The following AP2B1 variants were observed in gnomAD, a reference collection of about 807,000 sequenced individuals.
AP2B1 encodes the protein AP-2 complex subunit beta.
In AP2B1, 23 loss-of-function variants were observed where a neutral mutation model predicts 102.0. The ratio of observed to expected loss-of-function variants is 0.23; its 90% CI spans 0.16 to 0.32. AP2B1 has a LOEUF of 0.32. Among genes scored for constraint, AP2B1 ranks in the 10% least tolerant of loss-of-function variants. The pLI is 1.00. For synonymous variants in AP2B1, 381 were observed against 421.2 expected (o/e 0.90, Z 1.17); for missense variants, 541 against 1,157.4 (o/e 0.47, Z 7.73).
At chr17:35,634,517 A>T (rs1252669456) in intron 9 of AP2B1, among the ~76,000 whole-genome samples, 1 of 152,140 alleles carries the variant, frequency 6.6e-6, no homozygotes, top group Non-Finnish European at 1.5e-5. Flanking sequence ...TTTAAAAATG[A>T]TCACTTATAG....
chr17:35,647,891 G>GT (rs36102165), intron 12 of AP2B1, among the ~76,000 whole-genome samples: 122,721 of 143,116 alleles, frequency 0.86, 52,816 homozygotes, highest in East Asian at 0.96. Context: ...TTGGGGGTTT[G>GT]TTTTTTTTTT....
chr17:35,595,057 C>T (rs2073221837), intron 2 of AP2B1, among the ~76,000 whole-genome samples: 1 of 152,220 alleles, frequency 6.6e-6, no homozygotes, highest in East Asian at 1.9e-4. Context: ...GACATGGCGC[C>T]AACTACCATT....
intron 5 of AP2B1, among the ~76,000 whole-genome samples, chr17:35,614,972 T>G (rs1489273156): frequency 6.6e-6 from 1 of 152,204 alleles, no homozygotes; most frequent in Non-Finnish European, 1.5e-5. Context: ...TAGTAACATT[T>G]TTTTGGTTGT....
At chr17:35,679,560 C>T (rs771583815) in intron 17 of AP2B1, among the ~76,000 whole-genome samples, 43 of 132,106 alleles carry the variant, frequency 3.3e-4, no homozygotes, top group Admixed American at 1.4e-3. Context: ...ACCAGAGCAT[C>T]TCACCAGTTC....
At chr17:35,671,083 T>A (rs1225582792) in intron 15 of AP2B1, among the ~76,000 whole-genome samples, 185 bp downstream of exon 15, 1 of 152,172 alleles carries the variant, frequency 6.6e-6, no homozygotes, top group Non-Finnish European at 1.5e-5. Context: ...ATGCACCACA[T>A]GGTGTAGAGA....
chr17:35,674,026 A>G (rs935354296), intron 16 of AP2B1, 150 bp from the exon 17 acceptor site: 2 of 703,054 alleles, frequency 2.8e-6, no homozygotes, highest in Non-Finnish European at 2.2e-6. Flanking sequence ...CACTGGCTTG[A>G]TATTTATAGT....
intron 18 of AP2B1, among the ~76,000 whole-genome samples, chr17:35,689,949 G>A (rs2076008705): frequency 6.6e-6 from 1 of 152,192 alleles, no homozygotes; most frequent in South Asian, 2.1e-4. Flanking sequence ...TCTCTGGCTT[G>A]GAGCTCACTG....
At chr17:35,681,396 C>T (rs587621124) in intron 17 of AP2B1, among the ~76,000 whole-genome samples, 19 of 152,098 alleles carry the variant, frequency 1.2e-4, no homozygotes, top group Admixed American at 4.6e-4. Context: ...AATTGGTTTT[C>T]GTTTTTGTTT....
intron 9 of AP2B1, among the ~76,000 whole-genome samples, chr17:35,634,337 G>A (rs951506136): frequency 6.6e-6 from 1 of 152,128 alleles, no homozygotes; most frequent in Non-Finnish European, 1.5e-5. Flanking sequence ...CTAGAGGCTT[G>A]GTAATTTTCT....
At chr17:35,613,932 GT>G (rs200142766) in intron 5 of AP2B1, among the ~76,000 whole-genome samples, 1 of 151,922 alleles carries the variant, frequency 6.6e-6, no homozygotes, top group Admixed American at 6.6e-5. Context: ...AGCTTTTGTG[GT>G]TTTTTTTACA....
At chr17:35,616,460 G>A (rs1355456488) in intron 5 of AP2B1, among the ~76,000 whole-genome samples, 2 of 151,992 alleles carry the variant, frequency 1.3e-5, no homozygotes, top group South Asian at 2.1e-4. Context: ...GAGCCACCGC[G>A]CCCTGCCAAA....
At chr17:35,603,556 T>TA (rs1370593510) in intron 3 of AP2B1, among the ~76,000 whole-genome samples, 2 of 152,156 alleles carry the variant, frequency 1.3e-5, no homozygotes, top group African/African-American at 4.8e-5. Flanking sequence ...TATGTAATGT[T>TA]AAAAAAATAA....
chr17:35,612,974 C>T (rs1178426459), intron 5 of AP2B1, among the ~76,000 whole-genome samples: 1 of 148,944 alleles, frequency 6.7e-6, no homozygotes, highest in Non-Finnish European at 1.5e-5. Flanking sequence ...CTGAACACTG[C>T]TTCATTATAG....
At chr17:35,645,709 C>T (rs897582389) in intron 12 of AP2B1, among the ~76,000 whole-genome samples, 5 of 152,006 alleles carry the variant, frequency 3.3e-5, no homozygotes, top group Non-Finnish European at 7.4e-5. Flanking sequence ...ATTAGCCGAG[C>T]GTGGTGGCAT....
chr17:35,594,036 T>C lies in AP2B1; in HGVS notation c.6T>C (p.Thr2=). The C allele has an allele frequency of 1.9e-6, 3 of 1,590,642 alleles. No homozygotes were observed. The highest frequency in any genetic ancestry group is 2.6e-6 in the Non-Finnish European group (3 of 1,167,026). M[T]DSKYFTTNKK... The stretch of plus-strand genomic sequence containing the variant: ...CACATTAAAGATCCAAAGTCATGAC[T>C]GACTCCAAGTATTTCACAACCAATA... The change falls in exon 2 of 22, where the codon ACT becomes ACC. Residue 2 remains threonine (T), a synonymous_variant. Transcript: ENST00000610402.
At chr17:35,658,440 T>G (rs2075283687) in intron 14 of AP2B1, among the ~76,000 whole-genome samples, 1 of 152,246 alleles carries the variant, frequency 6.6e-6, no homozygotes, top group Admixed American at 6.5e-5. Flanking sequence ...AAGTCCAGAA[T>G]ACCTGCGAAC....
chr17:35,630,502 C>T (rs1335468826), intron 9 of AP2B1, among the ~76,000 whole-genome samples: 1 of 152,178 alleles, frequency 6.6e-6, no homozygotes, highest in Non-Finnish European at 1.5e-5. Flanking sequence ...GTTCTCTTCA[C>T]TAGTGTACAT....
At chr17:35,659,136 A>G (rs551938604) in intron 14 of AP2B1, among the ~76,000 whole-genome samples, 1 of 152,196 alleles carries the variant, frequency 6.6e-6, no homozygotes, top group Non-Finnish European at 1.5e-5. Flanking sequence ...CCGGAGAGTG[A>G]CAAATATTTA....
chr17:35,637,178 C>T (rs567333314), intron 10 of AP2B1, among the ~76,000 whole-genome samples: 18 of 152,240 alleles, frequency 1.2e-4, no homozygotes, highest in African/African-American at 4.1e-4. Context: ...TTGCCTTACA[C>T]TCATAGAGCT....
Sources: allele counts gnomAD v4.1 joint callset (sites outside exome capture counted in the v4.1 genomes callset), GRCh38; gene constraint gnomAD v4.1.1; transcripts MANE v1.5; gene names NCBI Gene and HGNC (gene_info 2026-07-23, HGNC 2026-07-21).